The following IL1RAPL2 variants were observed in gnomAD, a reference collection of about 807,000 sequenced individuals.
IL1RAPL2 encodes X-linked interleukin-1 receptor accessory protein-like 2.
IL1RAPL2 carries 3 observed loss-of-function variants against 44.1 expected under a neutral mutation model. The observed-to-expected ratio is 0.07, with a 90% CI of 0.03 to 0.18. IL1RAPL2 has a LOEUF of 0.18. Ranked by LOEUF, IL1RAPL2 falls within the 10% of genes least tolerant of loss-of-function variation. The pLI, the probability that IL1RAPL2 is intolerant of heterozygous loss-of-function variation, is 1.00. For synonymous variants in IL1RAPL2, 181 were observed against 178.8 expected, an observed-to-expected ratio of 1.01 and a Z score of -0.10; for missense variants, 391 against 496.4, an observed-to-expected ratio of 0.79 and a Z score of 2.02.
chrX:105,087,714 A>G (rs895335488), intron 2 of IL1RAPL2, among the ~76,000 whole-genome samples: 10 of 112,043 alleles, frequency 8.9e-5, no homozygotes, highest in Non-Finnish European at 1.9e-4. Context: ...GTTTTCTCAT[A>G]TATAAAATGG....
intron 6 of IL1RAPL2, among the ~76,000 whole-genome samples, chrX:105,557,915 G>T (rs1326791147): frequency 9.0e-6 from 1 of 111,597 alleles, no homozygotes; most frequent in Non-Finnish European, 1.9e-5. Flanking sequence ...TGTCTCAGAA[G>T]TTAAGAATGA....
At chrX:105,493,806 G>T (rs1454403357) in intron 6 of IL1RAPL2, among the ~76,000 whole-genome samples, 1 of 111,480 alleles carries the variant, frequency 9.0e-6, no homozygotes, top group Admixed American at 9.5e-5. Flanking sequence ...AAGTTAAAGG[G>T]GTGTCTAGTG....
chrX:105,046,537 AAG>A (rs1273822696), intron 2 of IL1RAPL2, among the ~76,000 whole-genome samples: 13 of 111,735 alleles, frequency 1.2e-4, no homozygotes, highest in Non-Finnish European at 2.3e-4. Flanking sequence ...TAGTGAATCT[AAG>A]AGCTGATTCT....
At chrX:105,139,801 A>T (rs746201222) in intron 2 of IL1RAPL2, among the ~76,000 whole-genome samples, 1 of 112,539 alleles carries the variant, frequency 8.9e-6, no homozygotes, top group Non-Finnish European at 1.9e-5. Flanking sequence ...GGACACATCC[A>T]GTCCATTAGA....
intron 6 of IL1RAPL2, among the ~76,000 whole-genome samples, chrX:105,545,690 GT>G (rs1249883117): frequency 3.6e-5 from 4 of 111,498 alleles, no homozygotes; most frequent in Non-Finnish European, 5.6e-5. Flanking sequence ...TATGTTATGA[GT>G]TTTTTTCTTT....
intron 2 of IL1RAPL2, among the ~76,000 whole-genome samples, chrX:104,970,809 A>C (rs1441291331): frequency 8.9e-6 from 1 of 111,818 alleles, no homozygotes; most frequent in Non-Finnish European, 1.9e-5. Context: ...CATCTTTGTA[A>C]CTGCATCCTG....
At chrX:105,040,533 C>T (rs1244714338) in intron 2 of IL1RAPL2, among the ~76,000 whole-genome samples, 2 of 110,415 alleles carry the variant, frequency 1.8e-5, no homozygotes, top group Non-Finnish European at 3.8e-5. Context: ...GGTTGGTAAG[C>T]TATTGATTAT....
intron 6 of IL1RAPL2, among the ~76,000 whole-genome samples, chrX:105,615,822 AAG>A (rs935586659): frequency 1.8e-5 from 2 of 112,349 alleles, no homozygotes; most frequent in African/African-American, 6.5e-5. Flanking sequence ...AAATAACTAA[AAG>A]AGTATCGTTG....
chrX:104,780,544 T>G (rs1932765476), intron 2 of IL1RAPL2, among the ~76,000 whole-genome samples: 1 of 112,171 alleles, frequency 8.9e-6, no homozygotes, highest in Non-Finnish European at 1.9e-5. Flanking sequence ...AGGCAGTGGT[T>G]GTGTATTTTT....
At chrX:105,350,246 G>T (rs139011553) in intron 5 of IL1RAPL2, among the ~76,000 whole-genome samples, 1,949 of 111,074 alleles carry the variant, frequency 0.018, 45 homozygotes, top group African/African-American at 0.061. Context: ...AAATTCCTGG[G>T]AATCATAGAA....
intron 2 of IL1RAPL2, among the ~76,000 whole-genome samples, chrX:105,122,149 A>G (rs1376209685): frequency 9.0e-6 from 1 of 111,645 alleles, no homozygotes; most frequent in African/African-American, 3.3e-5. Context: ...TCTCTATTTC[A>G]ATAGTACATG....
At chrX:104,619,275 G>A (rs2148007101) in intron 1 of IL1RAPL2, among the ~76,000 whole-genome samples, 1 of 112,182 alleles carries the variant, frequency 8.9e-6, no homozygotes, top group East Asian at 2.8e-4. Context: ...CCTGCTCTCA[G>A]TCCCACATCT....
chrX:105,471,045 G>A (rs967997939), intron 5 of IL1RAPL2, among the ~76,000 whole-genome samples: 1 of 111,686 alleles, frequency 9.0e-6, no homozygotes, highest in African/African-American at 3.2e-5. Flanking sequence ...TAATTAATTG[G>A]GTTCCATCCC....
intron 1 of IL1RAPL2, among the ~76,000 whole-genome samples, chrX:104,617,876 G>T (rs1229964836): frequency 9.0e-6 from 1 of 111,340 alleles, no homozygotes; most frequent in Non-Finnish European, 1.9e-5. Context: ...GACCATTTCT[G>T]GAGAGCTAGT....
chrX:104,876,819 G>A (rs1218319698), intron 2 of IL1RAPL2, among the ~76,000 whole-genome samples: 3 of 107,695 alleles, frequency 2.8e-5, no homozygotes, highest in East Asian at 2.9e-4. Context: ...ATGCTGGTGC[G>A]CTGCACCCAC....
chrX:104,940,381 A>G (rs1164169645), intron 2 of IL1RAPL2, among the ~76,000 whole-genome samples: 2 of 111,616 alleles, frequency 1.8e-5, no homozygotes, highest in African/African-American at 6.5e-5. Context: ...TGTTTTGGAG[A>G]AATATGTAAA....
chrX:104,634,730 A>C (rs1240171466), intron 1 of IL1RAPL2, among the ~76,000 whole-genome samples: 2 of 111,321 alleles, frequency 1.8e-5, no homozygotes. Flanking sequence ...TTTTGAGCCT[A>C]TGTGTGTCTC....
chrX:105,593,713 A>G (rs895971967), intron 6 of IL1RAPL2, among the ~76,000 whole-genome samples: 1 of 110,668 alleles, frequency 9.0e-6, no homozygotes, highest in African/African-American at 3.3e-5. Context: ...CTCCTGGGCT[A>G]TGGGGTCTAT....
intron 1 of IL1RAPL2, among the ~76,000 whole-genome samples, chrX:104,618,788 T>G (rs942696743): frequency 9.0e-6 from 1 of 111,511 alleles, no homozygotes; most frequent in Non-Finnish European, 1.9e-5. Flanking sequence ...GAGTTCTGCC[T>G]GGACATGGAG....
Sources: allele counts gnomAD v4.1 joint callset (sites outside exome capture counted in the v4.1 genomes callset), GRCh38; gene constraint gnomAD v4.1.1; transcripts MANE v1.5; gene names NCBI Gene and HGNC (gene_info 2026-07-23, HGNC 2026-07-21).